USP9X: variants seen among roughly 807,000 people sequenced by gnomAD.
The protein encoded by USP9X is ubiquitin specific peptidase 9 X-linked, also known as ubiquitin carboxyl-terminal hydrolase 9X.
USP9X carries 7 observed loss-of-function variants against 190.3 expected under a neutral mutation model. That is an observed-to-expected ratio of 0.04 (90% confidence interval 0.02 to 0.07). The LOEUF (loss-of-function observed/expected upper bound fraction) is 0.07. Among genes scored for constraint, USP9X ranks in the 10% least tolerant of loss-of-function variants. The pLI is 1.00. For missense variants in USP9X, 1,010 were observed against 1,916.9 expected (o/e 0.53, Z 8.83); for synonymous variants, 645 against 659.5 (o/e 0.98, Z 0.34).
chrX:41,206,307 T>C lies in USP9X; in HGVS notation c.5015+814T>C, dbSNP rs555978835. The stretch of plus-strand genomic sequence containing the variant: ...TGATCATGATACCATTATGTTTTTT[T>C]AAAATTGCTTAATATCAAATATCTC... On this transcript the variant is annotated intron_variant, in intron 32 of 44. Coordinates refer to ENST00000378308, the MANE Select transcript of USP9X (RefSeq NM_001039591.3). Among the ~76,000 whole-genome samples the C allele has an allele frequency of 1.8e-4, 20 of 112,390 alleles. No individual in the cohort carries two copies. In the East Asian group the frequency reaches 5.3e-3, roughly 30 times the overall value.
intron 1 of USP9X, among the ~76,000 whole-genome samples, chrX:41,108,359 CT>C (rs2062084745): frequency 9.0e-6 from 1 of 111,587 alleles, no homozygotes; most frequent in Non-Finnish European, 1.9e-5. Flanking sequence ...TAAATGACTC[CT>C]TGGGACATAA....
chrX:41,139,820 G>A (rs1471540178), intron 6 of USP9X, among the ~76,000 whole-genome samples: 1 of 111,752 alleles, frequency 8.9e-6, no homozygotes, highest in African/African-American at 3.3e-5. Flanking sequence ...GAGAAATTGT[G>A]TATTTTGCTC....
Position 41,196,703 on chromosome X carries a change from C to A in USP9X, c.4198C>A (p.Leu1400Ile). 1.7e-6 allele frequency: 2 copies of A among 1,194,811 alleles called. No homozygotes were observed. The highest frequency in any genetic ancestry group is 2.3e-5 in the Admixed American group (1 of 43,571). Residue 1400 changes from leucine (L) to isoleucine (I), a missense_variant, in exon 28 of 45, where the codon CTC becomes ATC. By Grantham distance (5) the Leu-to-Ile change is conservative (BLOSUM62 2). Coordinates refer to ENST00000378308, the MANE Select transcript of USP9X (RefSeq NM_001039591.3). ...NINVPNAEVL[L>I]NNEIDWLKRI... ...TAATGTACCCAATGCTGAAGTTCTT[C>A]TCAATAATGAAATTGATTGGCTTAA...
intron 14 of USP9X, among the ~76,000 whole-genome samples, chrX:41,153,436 A>T (rs973065787): frequency 8.9e-6 from 1 of 112,071 alleles, no homozygotes; most frequent in African/African-American, 3.2e-5. Context: ...GTCTGTTCTT[A>T]CTTTATAGTT....
intron 21 of USP9X, among the ~76,000 whole-genome samples, chrX:41,174,962 C>T (rs955224229): frequency 2.7e-5 from 3 of 110,959 alleles, no homozygotes; most frequent in Admixed American, 1.9e-4. Flanking sequence ...CCAGCCTGGG[C>T]GACAGCGAGA....
At chrX:41,103,210 C>T (rs1402763822) in intron 1 of USP9X, among the ~76,000 whole-genome samples, 2 of 112,637 alleles carry the variant, frequency 1.8e-5, no homozygotes, top group African/African-American at 6.4e-5. Context: ...CATTGCTCAC[C>T]TATTGGCTGA....
At chrX:41,201,329 C>A (rs1178643350) in intron 31 of USP9X, 49 bp downstream of exon 31, 2 of 1,068,073 alleles carry the variant, frequency 1.9e-6, no homozygotes, top group Admixed American at 2.2e-5. Context: ...GTTATGATAC[C>A]AGATACTATT....
chrX:41,141,481 G>T (rs756912193), intron 9 of USP9X, 50 bp downstream of exon 9: 1 of 1,071,189 alleles, frequency 9.3e-7, no homozygotes, highest in African/African-American at 1.9e-5. Flanking sequence ...CTTAAGACAA[G>T]AAATTAGAAT....
intron 1 of USP9X, among the ~76,000 whole-genome samples, chrX:41,099,315 T>G (rs1201918371): frequency 1.8e-5 from 2 of 109,595 alleles, no homozygotes; most frequent in African/African-American, 3.3e-5. Context: ...ATATGTCTTT[T>G]GGTGGTCTTT....
chrX:41,119,947 T>G (rs1460855684), intron 1 of USP9X, among the ~76,000 whole-genome samples: 1 of 112,705 alleles, frequency 8.9e-6, no homozygotes, highest in East Asian at 2.8e-4. Context: ...CTCTTTGTAA[T>G]TTAGGGTGTA....
chrX:41,198,841 C>T (rs753569862), intron 30 of USP9X, 91 bp downstream of exon 30: 67 of 863,026 alleles, frequency 7.8e-5, no homozygotes, highest in African/African-American at 2.6e-4. Flanking sequence ...TTCCAACTTA[C>T]GTATTTCTTT....
At chrX:41,118,827 C>G (rs1180328917) in intron 1 of USP9X, among the ~76,000 whole-genome samples, 2 of 111,641 alleles carry the variant, frequency 1.8e-5, no homozygotes, top group African/African-American at 6.5e-5. Flanking sequence ...GTTTTCACCT[C>G]AGTTTCAATG....
chrX:41,192,943 T>G (rs781030271), intron 26 of USP9X, among the ~76,000 whole-genome samples: 1 of 111,881 alleles, frequency 8.9e-6, no homozygotes, highest in Non-Finnish European at 1.9e-5. Context: ...TGAAGAAGAC[T>G]TCACAAAGGT....
intron 1 of USP9X, among the ~76,000 whole-genome samples, chrX:41,093,052 A>C (rs1409467202): frequency 1.8e-5 from 2 of 111,252 alleles, no homozygotes; most frequent in Non-Finnish European, 3.8e-5. Context: ...TTTGTTAGAG[A>C]ACAGGGGTTT....
At chrX:41,165,068 T>C (rs1285194498) in intron 15 of USP9X, among the ~76,000 whole-genome samples, 1 of 112,205 alleles carries the variant, frequency 8.9e-6, no homozygotes, top group East Asian at 2.8e-4. Context: ...TTAAGCAGTT[T>C]TAACTCATAA....
chrX:41,189,982 G>A (rs1272554689), intron 26 of USP9X: 1 of 112,231 alleles, frequency 8.9e-6, no homozygotes, highest in Non-Finnish European at 1.9e-5. Context: ...TTTTCTGCAA[G>A]TCAGTCAGAT....
chrX:41,136,780 T>C, intron 5 of USP9X, 24 bp from the exon 6 acceptor site: 1 of 1,121,353 alleles, frequency 8.9e-7, no homozygotes, highest in Non-Finnish European at 1.2e-6. Flanking sequence ...ATCTTGTAAA[T>C]CGCCTTTCCC....
intron 1 of USP9X, among the ~76,000 whole-genome samples, chrX:41,122,308 A>G (rs1177931833): frequency 8.9e-6 from 1 of 111,859 alleles, no homozygotes; most frequent in Non-Finnish European, 1.9e-5. Context: ...CCAAAGCGTC[A>G]AAGTTTATGT....
intron 1 of USP9X, among the ~76,000 whole-genome samples, chrX:41,111,346 T>C: frequency 8.9e-6 from 1 of 111,890 alleles, no homozygotes; most frequent in Non-Finnish European, 1.9e-5. Flanking sequence ...ACCTTGATCT[T>C]AGACTCCCCA....
Sources: allele counts gnomAD v4.1 joint callset (sites outside exome capture counted in the v4.1 genomes callset), GRCh38; gene constraint gnomAD v4.1.1; transcripts MANE v1.5; gene names NCBI Gene and HGNC (gene_info 2026-07-23, HGNC 2026-07-21).